DMD: variants seen among roughly 807,000 people sequenced by gnomAD.
The protein encoded by DMD is mutant dystrophin.
Under a neutral mutation model 330.1 loss-of-function variants are expected in DMD, and 63 were observed. The ratio of observed to expected loss-of-function variants is 0.19; its 90% CI spans 0.16 to 0.24. DMD has a LOEUF of 0.24. Among genes scored for constraint, DMD ranks in the 10% least tolerant of loss-of-function variants. DMD has a pLI of 1.00. For missense variants in DMD, 3,344 were observed against 2,684.1 expected (o/e 1.25, Z -5.43); for synonymous variants, 1,223 against 959.8 (o/e 1.27, Z -5.07).
At chrX:32,995,700 T>C (rs1279733508) in intron 2 of DMD, among the ~76,000 whole-genome samples, 5 of 112,326 alleles carry the variant, frequency 4.5e-5, no homozygotes, top group Non-Finnish European at 9.4e-5. Flanking sequence ...TTGGTTGTTT[T>C]AGATAATAAT....
intron 44 of DMD, among the ~76,000 whole-genome samples, chrX:32,148,066 A>G (rs1295861901): frequency 2.8e-5 from 3 of 108,965 alleles, no homozygotes; most frequent in Non-Finnish European, 5.7e-5. Context: ...TTTAGTAGAG[A>G]CGGGGTTTCA....
intron 67 of DMD, among the ~76,000 whole-genome samples, chrX:31,201,409 T>C (rs1199703575): frequency 8.9e-6 from 1 of 112,137 alleles, no homozygotes; most frequent in Non-Finnish European, 1.9e-5. Flanking sequence ...TTCAAAGAGC[T>C]TGGAGACTGG....
intron 63 of DMD, among the ~76,000 whole-genome samples, chrX:31,240,357 C>T (rs1414198487): frequency 8.9e-6 from 1 of 111,990 alleles, no homozygotes; most frequent in Non-Finnish European, 1.9e-5. Context: ...AAAAACTATA[C>T]TGTTAATTGT....
chrX:32,102,228 C>A (rs1036259192), intron 44 of DMD: 1 of 111,925 alleles, frequency 8.9e-6, no homozygotes, highest in African/African-American at 3.2e-5. Flanking sequence ...AACTCCTTTT[C>A]TTTGTAAATT....
intron 1 of DMD, among the ~76,000 whole-genome samples, chrX:33,259,361 T>C (rs1350071873): frequency 9.1e-6 from 1 of 110,265 alleles, no homozygotes; most frequent in East Asian, 2.9e-4. Flanking sequence ...TAGGTTTCAC[T>C]CAGTGTTGTA....
chrX:33,259,117 T>A (rs2052907581), intron 1 of DMD, among the ~76,000 whole-genome samples: 1 of 111,142 alleles, frequency 9.0e-6, no homozygotes, highest in Non-Finnish European at 1.9e-5. Flanking sequence ...GTTTAAAAAA[T>A]TGTGCTAAAA....
chrX:32,434,129 C>A (rs1362019861), intron 29 of DMD, among the ~76,000 whole-genome samples: 3 of 112,397 alleles, frequency 2.7e-5, no homozygotes, highest in Non-Finnish European at 3.7e-5. Flanking sequence ...GGCTGTTTGA[C>A]TGATTTAACA....
chrX:32,670,360 G>T (rs1381387306), intron 9 of DMD, among the ~76,000 whole-genome samples: 2 of 111,777 alleles, frequency 1.8e-5, no homozygotes, highest in Admixed American at 9.5e-5. Flanking sequence ...TATCACTGTT[G>T]ATTAGAAATA....
chrX:32,744,662 A>G (rs1417210996), intron 7 of DMD, among the ~76,000 whole-genome samples: 1 of 111,369 alleles, frequency 9.0e-6, no homozygotes, highest in East Asian at 2.8e-4. Context: ...AGATCATCCT[A>G]GCATACTTCA....
intron 2 of DMD, among the ~76,000 whole-genome samples, chrX:32,901,964 G>A (rs5928106): frequency 0.23 from 24,764 of 109,325 alleles, 2,185 homozygotes; most frequent in South Asian, 0.33. Flanking sequence ...TATTATGACT[G>A]TATATGGATA....
intron 59 of DMD, among the ~76,000 whole-genome samples, chrX:31,454,927 T>TA (rs200742703): frequency 2.6e-4 from 27 of 104,814 alleles, no homozygotes; most frequent in Admixed American, 2.2e-3. Flanking sequence ...TATATATATA[T>TA]TTTTAAGTTA....
intron 76 of DMD, among the ~76,000 whole-genome samples, chrX:31,136,583 C>T (rs879077607): frequency 8.9e-5 from 10 of 112,033 alleles, no homozygotes; most frequent in Admixed American, 7.6e-4. Flanking sequence ...AAGAGAACAT[C>T]ATGAACGACG....
rs1199812672 is a variant in DMD, at chrX:32,541,235, G to A, written c.2168+3924C>T. Among the ~76,000 whole-genome samples, 5 of 110,642 alleles carry A rather than the reference G, an allele frequency of 4.5e-5. No individual in the cohort carries two copies. The East Asian group carries it at 1.4e-3, about 31-fold the overall frequency. On this transcript the variant is annotated intron_variant, in intron 17 of 78. Transcript: ENST00000357033. ...GTTTATTATGGAATTTTTCCCTGTCGATAATAGATGACTACCATCTCCATC... is the reference window on the plus strand; with the variant it reads ...GTTTATTATGGAATTTTTCCCTGTCAATAATAGATGACTACCATCTCCATC...
At chrX:31,208,306 T>A (rs1260975088) in intron 65 of DMD, among the ~76,000 whole-genome samples, 1 of 111,897 alleles carries the variant, frequency 8.9e-6, no homozygotes, top group Non-Finnish European at 1.9e-5. Flanking sequence ...TAAGAAAAGG[T>A]AGATCAAAAT....
intron 9 of DMD, among the ~76,000 whole-genome samples, chrX:32,667,767 G>GTTTTTTTTTTTTTTTTTTT (rs201162726): frequency 1.2e-5 from 1 of 81,703 alleles, no homozygotes; most frequent in African/African-American, 5.0e-5. Context: ...CTGCTTTTGT[G>GTTTTTTTTTTTTTTTTTTT]TTTTTTTTTT....
intron 23 of DMD, among the ~76,000 whole-genome samples, chrX:32,465,697 T>A: frequency 9.4e-6 from 1 of 106,515 alleles, no homozygotes; most frequent in South Asian, 4.6e-4. Flanking sequence ...GCCATTCTCC[T>A]GCCTCAGCCT....
At chrX:32,873,611 G>A (rs1244477811) in intron 2 of DMD, among the ~76,000 whole-genome samples, 2 of 111,433 alleles carry the variant, frequency 1.8e-5, no homozygotes, top group Non-Finnish European at 3.8e-5. Flanking sequence ...ATTCTCTAAG[G>A]ATACTCTCAG....
At chrX:31,420,287 T>A (rs1433993325) in intron 60 of DMD, among the ~76,000 whole-genome samples, 1 of 112,400 alleles carries the variant, frequency 8.9e-6, no homozygotes, top group African/African-American at 3.2e-5. Context: ...TAGAATAGAA[T>A]TTACATCCTG....
intron 53 of DMD, among the ~76,000 whole-genome samples, chrX:31,664,612 C>T (rs16998209): frequency 0.041 from 3,805 of 92,864 alleles, 302 homozygotes; most frequent in African/African-American, 0.15. Flanking sequence ...TATGTTGGTC[C>T]TCAACTGGAG....
Sources: allele counts gnomAD v4.1 joint callset (sites outside exome capture counted in the v4.1 genomes callset), GRCh38; gene constraint gnomAD v4.1.1; transcripts MANE v1.5; gene names NCBI Gene and HGNC (gene_info 2026-07-23, HGNC 2026-07-21).